LARS2: variants seen among roughly 807,000 people sequenced by gnomAD.
LARS2 encodes leucine--tRNA ligase, mitochondrial.
LARS2 carries 81 observed loss-of-function variants against 116.6 expected under a neutral mutation model. The ratio of observed to expected loss-of-function variants is 0.69; its 90% CI spans 0.58 to 0.84. LARS2 has a LOEUF of 0.84. LARS2 is among the 40% of genes least tolerant of loss of function. LARS2 has a pLI of 0.00. For missense variants in LARS2, 968 were observed against 1,114.5 expected (o/e 0.87, Z 1.87); for synonymous variants, 396 against 407.2 (o/e 0.97, Z 0.33).
intron 12 of LARS2, among the ~76,000 whole-genome samples, chr3:45,490,492 A>AT (rs1331731894): frequency 6.6e-6 from 1 of 152,246 alleles, no homozygotes; most frequent in East Asian, 1.9e-4. Flanking sequence ...AGCTTCTGGA[A>AT]TGGAAAGACA....
intron 6 of LARS2, among the ~76,000 whole-genome samples, chr3:45,430,272 A>AG (rs1463959360): frequency 1.0e-5 from 1 of 96,798 alleles, no homozygotes; most frequent in Non-Finnish European, 2.1e-5. Context: ...GCACCCGGCC[A>AG]TTTTTTTTTT....
At chr3:45,398,522 CA>C (rs1698088325) in intron 3 of LARS2, among the ~76,000 whole-genome samples, 1 of 152,174 alleles carries the variant, frequency 6.6e-6, no homozygotes, top group Non-Finnish European at 1.5e-5. Flanking sequence ...GAAGAAAAAA[CA>C]GAAGGCAGAA....
intron 6 of LARS2, among the ~76,000 whole-genome samples, chr3:45,430,272 A>AATCTT (rs1463959360): frequency 9.3e-5 from 9 of 96,676 alleles, no homozygotes; most frequent in East Asian, 6.8e-4. Context: ...GCACCCGGCC[A>AATCTT]TTTTTTTTTT....
At position 45,491,542 on chromosome 3, in the gene LARS2, C is replaced by A. The variant is rs749969513; in HGVS notation, c.1265C>A (p.Ala422Asp). ...TTCACAGGTATGACCCGGCAGGATG[C>A]TTTTCTAGCCCTGACTCAGAAAGCC... ...AEFTGMTRQD[A>D]FLALTQKARG... is the part of the protein sequence containing the mutation. Residue 422 changes from alanine to aspartate, a missense_variant, in exon 13 of 22, where the codon GCT (alanine) becomes GAT (aspartate). Transcript: ENST00000645846. The A allele has an allele frequency of 1.2e-6, 2 of 1,614,188 alleles. No individual in the cohort carries two copies. Among genetic ancestry groups the A allele is most frequent in the Non-Finnish European group, 1.7e-6 (2 of 1,180,020 alleles).
At chr3:45,506,805 A>G (rs1365426253) in intron 15 of LARS2, 1 of 152,004 alleles carries the variant, frequency 6.6e-6, no homozygotes, top group Non-Finnish European at 1.5e-5. Flanking sequence ...CAGACAGCAA[A>G]GGTTTATGTA....
intron 4 of LARS2, 36 bp downstream of exon 4, chr3:45,400,409 G>A: frequency 1.3e-6 from 2 of 1,567,162 alleles, no homozygotes; most frequent in Non-Finnish European, 8.7e-7. Context: ...GCCCTTGTCT[G>A]CCACACGCAG....
chr3:45,431,905 A>G (rs1435969521), intron 6 of LARS2, among the ~76,000 whole-genome samples: 1 of 152,194 alleles, frequency 6.6e-6, no homozygotes, highest in Non-Finnish European at 1.5e-5. Flanking sequence ...ATCCATCTAT[A>G]TGCTGTCTCC....
intron 1 of LARS2, among the ~76,000 whole-genome samples, chr3:45,391,110 T>C (rs1697939234): frequency 6.6e-6 from 1 of 152,214 alleles, no homozygotes; most frequent in Non-Finnish European, 1.5e-5. Context: ...GCATCAGATT[T>C]ATTAACATTT....
chr3:45,480,466 A>T (rs1699680398), intron 10 of LARS2, among the ~76,000 whole-genome samples: 1 of 152,252 alleles, frequency 6.6e-6, no homozygotes, highest in African/African-American at 2.4e-5. Context: ...CAAAGGACAG[A>T]TACCTTTTTG....
At chr3:45,396,536 G>A (rs1335429434) in intron 3 of LARS2, among the ~76,000 whole-genome samples, 1 of 152,216 alleles carries the variant, frequency 6.6e-6, no homozygotes, top group Non-Finnish European at 1.5e-5. Flanking sequence ...GGATTTTGAA[G>A]CATTTATAAT....
chr3:45,414,449 T>A (rs1422342968), intron 4 of LARS2, among the ~76,000 whole-genome samples: 3 of 152,202 alleles, frequency 2.0e-5, no homozygotes, highest in African/African-American at 7.2e-5. Flanking sequence ...CCTATTTCTT[T>A]AGTTGAAAAT....
In LARS2 at chr3:45,491,634, C is replaced by T. The variant is rs1203564287; in HGVS notation, c.1357C>T (p.Arg453Trp). ...GAAAGACTGGCTGATTTCACGGCAGCGGTACTGGGGCACACCAATCCCCAT... is the reference window on the plus strand; with the variant it reads ...GAAAGACTGGCTGATTTCACGGCAGTGGTACTGGGGCACACCAATCCCCAT... The part of the protein sequence containing the change: ...KLKDWLISRQ[R>W]YWGTPIPIVH... Residue 453 changes from arginine (R) to tryptophan (W), a missense_variant, in exon 13 of 22, where the codon CGG becomes TGG. Arg to Trp is a moderately radical substitution (Grantham distance 101). Transcript: ENST00000645846. 18 of 1,614,086 alleles carry T rather than the reference C, an allele frequency of 1.1e-5. No homozygotes were observed. Among genetic ancestry groups the T allele is most frequent in the Admixed American group, 3.3e-5 (2 of 60,010 alleles).
intron 6 of LARS2, among the ~76,000 whole-genome samples, chr3:45,430,686 G>C (rs966759188): frequency 1.4e-5 from 2 of 146,022 alleles, no homozygotes; most frequent in Non-Finnish European, 3.0e-5. Context: ...CCGAGTTCAC[G>C]TCATTCTCCT....
chr3:45,390,322 A>T (rs1465083194), intron 1 of LARS2, among the ~76,000 whole-genome samples: 1 of 149,290 alleles, frequency 6.7e-6, no homozygotes. Flanking sequence ...TTATTTATTT[A>T]TTTTTTTTGA....
At chr3:45,447,085 C>A in intron 7 of LARS2, 105 bp downstream of exon 7, 1 of 658,444 alleles carries the variant, frequency 1.5e-6, no homozygotes. Context: ...TAAAATCAGT[C>A]ACAGCAGACC....
intron 4 of LARS2, 113 bp downstream of exon 4, chr3:45,400,486 G>A: frequency 9.9e-7 from 1 of 1,012,532 alleles, no homozygotes; most frequent in Non-Finnish European, 1.4e-6. Flanking sequence ...GATTAGGACA[G>A]CTTTGAAGAT....
At position 45,512,627 on chromosome 3, in the gene LARS2, A is replaced by G. The variant is rs1575305099; in HGVS notation, c.1761-508A>G. ...TTAAGTGAAATACCATAAAGTATAC[A>G]TAAGGTATAATCCCACTTATATAAA... On this transcript the variant is annotated intron_variant, in intron 15 of 21. Coordinates refer to ENST00000645846, the MANE Select transcript of LARS2 (RefSeq NM_015340.4). Among the ~76,000 whole-genome samples the G allele has an allele frequency of 2.6e-5, 4 of 152,250 alleles. No homozygotes were observed. In the East Asian group the frequency reaches 7.7e-4, roughly 29 times the overall value.
chr3:45,433,058 C>G (rs1223006835), intron 6 of LARS2, among the ~76,000 whole-genome samples: 5 of 152,008 alleles, frequency 3.3e-5, no homozygotes, highest in Non-Finnish European at 7.4e-5. Context: ...TTTTAACTTA[C>G]TTCATCTTAC....
At chr3:45,503,765 A>G (rs1259184368) in intron 15 of LARS2, among the ~76,000 whole-genome samples, 1 of 151,972 alleles carries the variant, frequency 6.6e-6, no homozygotes, top group Non-Finnish European at 1.5e-5. Context: ...AAAGGGGGGA[A>G]ATATCTGATT....
Sources: allele counts gnomAD v4.1 joint callset (sites outside exome capture counted in the v4.1 genomes callset), GRCh38; gene constraint gnomAD v4.1.1; transcripts MANE v1.5; gene names NCBI Gene and HGNC (gene_info 2026-07-23, HGNC 2026-07-21).